Variants in PGBD2 observed in about 807,000 individuals in gnomAD.
The protein encoded by PGBD2 is piggyBac transposable element derived 2, also known as piggyBac transposable element-derived protein 2.
PGBD2 carries 6 observed loss-of-function variants against 8.1 expected under a neutral mutation model. The ratio of observed to expected loss-of-function variants is 0.74; its 90% CI spans 0.40 to 1.46. The LOEUF (loss-of-function observed/expected upper bound fraction) is 1.46. Among genes scored for constraint, PGBD2 ranks in the 40% most tolerant of loss-of-function variants. The pLI, the probability that PGBD2 is intolerant of heterozygous loss-of-function variation, is 0.02. For missense variants in PGBD2, 802 were observed against 739.0 expected, an observed-to-expected ratio of 1.09 and a Z score of -0.99; for synonymous variants, 318 against 272.2, an observed-to-expected ratio of 1.17 and a Z score of -1.66.
At chr1:248,892,374 C>A in the PGBD2 span, among the ~76,000 whole-genome samples, 1 of 150,718 alleles carries the variant, frequency 6.6e-6, no homozygotes, top group Middle Eastern at 3.4e-3. Flanking sequence ...TCTACCCTGA[C>A]GATGTAACGG....
At chr1:248,876,262 C>T in the PGBD2 span, among the ~76,000 whole-genome samples, 1 of 152,162 alleles carries the variant, frequency 6.6e-6, no homozygotes, top group East Asian at 1.9e-4. Flanking sequence ...CCTGCCTTGG[C>T]CTCCCAAAGT....
chr1:248,874,293 G>A, the PGBD2 span, among the ~76,000 whole-genome samples: 53 of 152,256 alleles, frequency 3.5e-4, 1 homozygote, highest in South Asian at 4.4e-3. Context: ...CACCGCCGCG[G>A]CCCGGGTTCG....
chr1:248,890,419 G>T, the PGBD2 span, among the ~76,000 whole-genome samples: 3 of 152,022 alleles, frequency 2.0e-5, no homozygotes, highest in Non-Finnish European at 4.4e-5. Context: ...AGATGCAATG[G>T]GATTAGGAAT....
At chr1:248,893,613 C>T in the PGBD2 span, among the ~76,000 whole-genome samples, 2 of 152,116 alleles carry the variant, frequency 1.3e-5, no homozygotes, top group South Asian at 4.1e-4. Context: ...TACACATGTG[C>T]ATTTTCTTTA....
At chr1:248,921,264 A>G (rs150789811), downstream of PGBD2, among the ~76,000 whole-genome samples, 1,935 of 152,198 alleles carry the variant, frequency 0.013, 34 homozygotes, top group African/African-American at 0.044. Flanking sequence ...TAGGATTTTT[A>G]TGGTTCTAGG....
the PGBD2 span, among the ~76,000 whole-genome samples, chr1:248,881,569 A>G: frequency 1.3e-5 from 2 of 152,224 alleles, no homozygotes; most frequent in Non-Finnish European, 2.9e-5. Flanking sequence ...AGTATTTGTC[A>G]TTATGATTAA....
At chr1:248,924,867 C>T (rs1393155519), downstream of PGBD2, among the ~76,000 whole-genome samples, 1 of 152,174 alleles carries the variant, frequency 6.6e-6, no homozygotes, top group Non-Finnish European at 1.5e-5. Flanking sequence ...TCTTACCACT[C>T]AGCAAGTGCC....
the PGBD2 span, among the ~76,000 whole-genome samples, chr1:248,926,642 ACT>A: frequency 1.3e-5 from 2 of 152,164 alleles, no homozygotes; most frequent in African/African-American, 4.8e-5. Flanking sequence ...ACAAACCACA[ACT>A]CTCTTCTCAT....
chr1:248,896,933 T>C, the PGBD2 span, among the ~76,000 whole-genome samples: 1,500 of 152,312 alleles, frequency 9.8e-3, 15 homozygotes, highest in Middle Eastern at 0.02. Context: ...TTGCAACCCA[T>C]AGATCAGGAT....
At chr1:248,876,512 G>T in the PGBD2 span, among the ~76,000 whole-genome samples, 49,106 of 152,054 alleles carry the variant, frequency 0.32, 11,885 homozygotes, top group African/African-American at 0.67. Context: ...CAGGGTCCCA[G>T]TGTTTAACCT....
At chr1:248,908,394 A>G (rs930602465) in intron 1 of PGBD2, among the ~76,000 whole-genome samples, 3 of 152,144 alleles carry the variant, frequency 2.0e-5, no homozygotes, top group Non-Finnish European at 4.4e-5. Flanking sequence ...TGCTAGGCTT[A>G]GTGAATGGCA....
chr1:248,921,368 GT>G (rs1478072476), downstream of PGBD2, among the ~76,000 whole-genome samples: 1 of 152,178 alleles, frequency 6.6e-6, no homozygotes, highest in Non-Finnish European at 1.5e-5. Context: ...TGGCTAACCA[GT>G]TTTCCCAACA....
chr1:248,884,689 A>C, the PGBD2 span, among the ~76,000 whole-genome samples: 4 of 152,230 alleles, frequency 2.6e-5, no homozygotes, highest in South Asian at 8.3e-4. Context: ...TGGCCTGAAA[A>C]GGTGGGCTAT....
the PGBD2 span, among the ~76,000 whole-genome samples, chr1:248,874,235 A>C: frequency 2.0e-5 from 3 of 152,188 alleles, no homozygotes; most frequent in South Asian, 2.1e-4. Flanking sequence ...TTGCTAAATG[A>C]CGCATCATGT....
At chr1:248,885,753 G>C in the PGBD2 span, among the ~76,000 whole-genome samples, 13 of 152,162 alleles carry the variant, frequency 8.5e-5, no homozygotes, top group Non-Finnish European at 1.8e-4. Context: ...CCAGTTCCCT[G>C]GCCATTTCCT....
At chr1:248,905,594 G>T (rs750774106), upstream of PGBD2, among the ~76,000 whole-genome samples, 8 of 152,336 alleles carry the variant, frequency 5.3e-5, no homozygotes, top group Admixed American at 1.3e-4. Context: ...AAGGTAGCCA[G>T]ATGAAATACA....
chr1:248,898,647 C>CA, the PGBD2 span, among the ~76,000 whole-genome samples: 3 of 152,168 alleles, frequency 2.0e-5, no homozygotes, highest in African/African-American at 7.2e-5. Flanking sequence ...CCAGCCACTA[C>CA]AAAAACACAC....
the PGBD2 span, among the ~76,000 whole-genome samples, chr1:248,873,894 T>G: frequency 6.6e-6 from 1 of 152,162 alleles, no homozygotes; most frequent in Non-Finnish European, 1.5e-5. Flanking sequence ...AGACTCAAGG[T>G]AAGCACCTTG....
chr1:248,924,805 C>A (rs1257535089), downstream of PGBD2, among the ~76,000 whole-genome samples: 1 of 152,196 alleles, frequency 6.6e-6, no homozygotes, highest in Non-Finnish European at 1.5e-5. Context: ...TTACTTGCTG[C>A]CACTGGCCCC....
Sources: allele counts gnomAD v4.1 joint callset (sites outside exome capture counted in the v4.1 genomes callset), GRCh38; gene constraint gnomAD v4.1.1; transcripts MANE v1.5; gene names NCBI Gene and HGNC (gene_info 2026-07-23, HGNC 2026-07-21).